SH3RF3: variants seen among roughly 807,000 people sequenced by gnomAD.
SH3RF3 encodes the protein SH3 domain containing ring finger 3.
In SH3RF3, 29 loss-of-function variants were observed where a neutral mutation model predicts 66.3. The observed-to-expected ratio is 0.44, with a 90% CI of 0.33 to 0.60. The LOEUF is 0.60. Among genes scored for constraint, SH3RF3 ranks in the 20% least tolerant of loss-of-function variants. The probability of loss-of-function intolerance (pLI) is 0.04; values close to 1 mark genes in which losing one functional copy is unlikely to be tolerated. For synonymous variants in SH3RF3, 583 were observed against 532.0 expected (o/e 1.10, Z -1.32); for missense variants, 1,194 against 1,190.9 (o/e 1.00, Z -0.04).
chr2:109,501,325 TA>T (rs1296137075), intron 9 of SH3RF3, among the ~76,000 whole-genome samples, 177 bp from the exon 10 acceptor site: 1 of 151,994 alleles, frequency 6.6e-6, no homozygotes, highest in Non-Finnish European at 1.5e-5. Flanking sequence ...TTTTTTTTAT[TA>T]AAAAATGAAA....
At chr2:109,430,022 C>G (rs189375144) in intron 5 of SH3RF3, among the ~76,000 whole-genome samples, 1 of 152,334 alleles carries the variant, frequency 6.6e-6, no homozygotes, top group African/African-American at 2.4e-5. Flanking sequence ...ACCTTGCCTA[C>G]CAGCCCAGGA....
intron 1 of SH3RF3, among the ~76,000 whole-genome samples, chr2:109,134,153 C>T (rs1676764647): frequency 6.6e-6 from 1 of 152,196 alleles, no homozygotes; most frequent in African/African-American, 2.4e-5. Flanking sequence ...CACAATAATC[C>T]TGCCAAGTGG....
At chr2:109,459,212 AAAC>A (rs1434912745) in intron 8 of SH3RF3, among the ~76,000 whole-genome samples, 1 of 152,188 alleles carries the variant, frequency 6.6e-6, no homozygotes, top group Non-Finnish European at 1.5e-5. Flanking sequence ...AGAGAGAAGA[AAAC>A]AAAGGTACTG....
At chr2:109,497,359 T>C (rs1679282829) in intron 9 of SH3RF3, among the ~76,000 whole-genome samples, 1 of 152,090 alleles carries the variant, frequency 6.6e-6, no homozygotes, top group African/African-American at 2.4e-5. Context: ...GCAGACTCTG[T>C]TGTCAGGGAG....
chr2:109,133,541 C>G (rs193148402), intron 1 of SH3RF3, among the ~76,000 whole-genome samples: 22 of 152,180 alleles, frequency 1.4e-4, no homozygotes, highest in Admixed American at 1.4e-3. Context: ...TTATGATTTT[C>G]TATTTGTTTC....
chr2:109,449,378 C>A lies in SH3RF3; in HGVS notation c.2037C>A (p.Asn679Lys), dbSNP rs374903401. The A allele has an allele frequency of 1.2e-6, 2 of 1,611,202 alleles. No individual in the cohort carries two copies. The highest frequency in any genetic ancestry group is 1.7e-6 in the Non-Finnish European group (2 of 1,178,578). Residue 679 changes from asparagine to lysine, a missense_variant, in exon 8 of 10, where the codon AAC becomes AAA. Asn to Lys is a moderately conservative substitution (Grantham distance 94, BLOSUM62 0). Coordinates refer to ENST00000309415, the MANE Select transcript of SH3RF3 (RefSeq NM_001099289.3). Reference protein sequence around the residue: ...TSAASAITPPNVSAANLNGEA... With the variant: ...TSAASAITPPKVSAANLNGEA... ...CAGCATCAGCCATCACACCTCCCAACGTCAGTGCCGCAAACCTCAACGGGG... is the reference window on the plus strand; with the variant it reads ...CAGCATCAGCCATCACACCTCCCAAAGTCAGTGCCGCAAACCTCAACGGGG...
intron 1 of SH3RF3, among the ~76,000 whole-genome samples, chr2:109,306,811 G>A (rs1015010091): frequency 4.6e-5 from 7 of 152,312 alleles, no homozygotes; most frequent in African/African-American, 9.6e-5. Flanking sequence ...GGTTGATTAC[G>A]TATTTCCTAG....
At chr2:109,295,635 T>C (rs1317679147) in intron 1 of SH3RF3, among the ~76,000 whole-genome samples, 1 of 152,116 alleles carries the variant, frequency 6.6e-6, no homozygotes, top group East Asian at 1.9e-4. Flanking sequence ...TGCTGCAGAC[T>C]CACTGCAGCC....
chr2:109,396,594 A>G (rs1469550655), intron 3 of SH3RF3, among the ~76,000 whole-genome samples: 1 of 152,144 alleles, frequency 6.6e-6, no homozygotes, highest in Non-Finnish European at 1.5e-5. Context: ...TCAAGGTGCT[A>G]CCAGCTGCAA....
chr2:109,298,731 A>G (rs1446276476), intron 1 of SH3RF3, among the ~76,000 whole-genome samples: 1 of 152,158 alleles, frequency 6.6e-6, no homozygotes, highest in East Asian at 1.9e-4. Flanking sequence ...CCATCAGCTC[A>G]CCCTGTGAAA....
At chr2:109,457,476 G>T (rs1047418985) in intron 8 of SH3RF3, among the ~76,000 whole-genome samples, 1 of 152,210 alleles carries the variant, frequency 6.6e-6, no homozygotes, top group African/African-American at 2.4e-5. Flanking sequence ...AGTTGTGAGG[G>T]TTCTGCCACC....
chr2:109,481,395 C>T (rs781137218), intron 8 of SH3RF3, among the ~76,000 whole-genome samples: 5 of 152,138 alleles, frequency 3.3e-5, no homozygotes, highest in Non-Finnish European at 4.4e-5. Flanking sequence ...TGGCAGCGTT[C>T]CTGCCCACAG....
chr2:109,131,328 G>A (rs1347425923), intron 1 of SH3RF3, among the ~76,000 whole-genome samples: 1 of 152,140 alleles, frequency 6.6e-6, no homozygotes, highest in Non-Finnish European at 1.5e-5. Flanking sequence ...CACTGCTGAA[G>A]GGGAATTTTT....
intron 3 of SH3RF3, among the ~76,000 whole-genome samples, chr2:109,390,828 G>A (rs1331547139): frequency 6.6e-6 from 1 of 152,202 alleles, no homozygotes; most frequent in Non-Finnish European, 1.5e-5. Context: ...GGCCCAGGGT[G>A]TGCAGATTCA....
At chr2:109,501,450 C>T in intron 9 of SH3RF3, 53 bp from the exon 10 acceptor site, 2 of 732,368 alleles carry the variant, frequency 2.7e-6, no homozygotes, top group Admixed American at 1.8e-5. Flanking sequence ...AAAGCACGAC[C>T]CAGCAGATGG....
At chr2:109,156,739 G>A (rs78806068) in intron 1 of SH3RF3, among the ~76,000 whole-genome samples, 4,287 of 152,132 alleles carry the variant, frequency 0.028, 193 homozygotes, top group African/African-American at 0.097. Context: ...CACCGTGCCC[G>A]GCCTGAATTT....
rs1402147638 is a variant in SH3RF3 at position 109,504,198 on chromosome 2, A to G, written c.*2527A>G. 6.6e-6 allele frequency: 1 copy of G among 152,242 alleles called. No homozygotes were observed. Among genetic ancestry groups the G allele is most frequent in the East Asian group, 1.9e-4 (1 of 5,194 alleles). The allele number at this position is 152,242 out of a possible 1,614,324, so 9.4% of individuals were successfully genotyped here. On this transcript the variant is annotated 3_prime_UTR_variant, in exon 10 of 10. Coordinates refer to ENST00000309415, the MANE Select transcript of SH3RF3 (RefSeq NM_001099289.3). ...AGGGTACACATGTTTGGCGGTTAAG[A>G]TGAAACTAACCCTTATGTTTCATCC...
intron 2 of SH3RF3, among the ~76,000 whole-genome samples, chr2:109,368,716 A>AT (rs1683198169): frequency 6.6e-6 from 1 of 150,720 alleles, no homozygotes; most frequent in East Asian, 1.9e-4. Context: ...TTTAAAAAAA[A>AT]AAAAAAAGAA....
intron 1 of SH3RF3, among the ~76,000 whole-genome samples, chr2:109,288,703 G>T (rs1681095194): frequency 6.6e-6 from 1 of 152,180 alleles, no homozygotes; most frequent in Non-Finnish European, 1.5e-5. Context: ...CTGGGAGATT[G>T]CTGGACCTGA....
Sources: gnomAD v4.1 joint callset for allele counts (sites outside exome capture counted in the v4.1 genomes callset) on GRCh38, gnomAD v4.1.1 for gene constraint, MANE v1.5 for transcripts, NCBI Gene and HGNC (gene_info 2026-07-23, HGNC 2026-07-21) for gene names.